Variants in ERBB4 observed in about 807,000 individuals in gnomAD.
The protein encoded by ERBB4 is receptor tyrosine-protein kinase erbB-4.
ERBB4 carries 42 observed loss-of-function variants against 158.0 expected under a neutral mutation model. The observed-to-expected ratio is 0.27, with a 90% confidence interval of 0.21 to 0.34. The LOEUF (loss-of-function observed/expected upper bound fraction) is 0.34, where lower values mean the gene tolerates loss of function less well. Among genes scored for constraint, ERBB4 ranks in the 10% least tolerant of loss-of-function variants. ERBB4 has a pLI of 1.00. For missense variants in ERBB4, 1,333 were observed against 1,624.1 expected (o/e 0.82, Z 3.08); for synonymous variants, 583 against 558.7 (o/e 1.04, Z -0.61).
At chr2:211,590,617 T>C (rs2068431587) in intron 19 of ERBB4, among the ~76,000 whole-genome samples, 1 of 151,932 alleles carries the variant, frequency 6.6e-6, no homozygotes, top group Non-Finnish European at 1.5e-5. Flanking sequence ...CCCAACTCAC[T>C]GCCCCTCCCC....
intron 2 of ERBB4, among the ~76,000 whole-genome samples, chr2:211,997,881 C>T (rs17415212): frequency 0.022 from 2,764 of 124,272 alleles, 48 homozygotes; most frequent in Admixed American, 0.053. Flanking sequence ...GCCTATCAAT[C>T]ATGAGATTAT....
Position 211,947,473 on chromosome 2 carries a change from A to G in ERBB4, c.378T>C (p.Asp126=). Reference sequence around the variant, plus strand: ...CAAGTTCTTGAAGTCCAAAGTTTCCATCTTTTCTGTAGTTTAAAAATATTG... The same window carrying G: ...CAAGTTCTTGAAGTCCAAAGTTTCCGTCTTTTCTGTAGTTTAAAAATATTG... ...ALAIFLNYRK[D]GNFGLQELGL... is the part of the protein sequence containing the mutation. The change falls in exon 3 of 28, where the codon GAT becomes GAC. Residue 126 remains aspartate, a synonymous_variant. Coordinates refer to ENST00000342788, the MANE Select transcript of ERBB4 (RefSeq NM_005235.3). The G allele has an allele frequency of 6.2e-7, 1 of 1,613,874 alleles. No individual in the cohort carries two copies. The highest frequency in any genetic ancestry group is 8.5e-7 in the Non-Finnish European group (1 of 1,179,906).
intron 3 of ERBB4, among the ~76,000 whole-genome samples, chr2:211,913,679 A>ATG (rs2079604550): frequency 7.3e-6 from 1 of 137,506 alleles, no homozygotes; most frequent in South Asian, 2.4e-4. Context: ...GTGTGTGTGT[A>ATG]TGTGTATATA....
At chr2:211,854,262 T>C (rs1015670797) in intron 3 of ERBB4, among the ~76,000 whole-genome samples, 3 of 151,988 alleles carry the variant, frequency 2.0e-5, no homozygotes, top group Admixed American at 6.6e-5. Flanking sequence ...GCAGGAAAAA[T>C]AAACTTTGTG....
At chr2:211,489,654 T>C (rs1281505538) in intron 20 of ERBB4, among the ~76,000 whole-genome samples, 1 of 151,960 alleles carries the variant, frequency 6.6e-6, no homozygotes, top group Non-Finnish European at 1.5e-5. Context: ...TCATTACTCA[T>C]AAAATTAAAG....
At chr2:211,716,117 CT>C (rs2073888312) in intron 7 of ERBB4, among the ~76,000 whole-genome samples, 1 of 152,038 alleles carries the variant, frequency 6.6e-6, no homozygotes, top group Non-Finnish European at 1.5e-5. Flanking sequence ...AATCCCAGCA[CT>C]TTGGGAGGCC....
chr2:212,472,511 T>C (rs1026162086), intron 1 of ERBB4, among the ~76,000 whole-genome samples: 1 of 151,718 alleles, frequency 6.6e-6, no homozygotes, highest in Non-Finnish European at 1.5e-5. Flanking sequence ...ATTAAGCAAT[T>C]TGAGATGTTT....
chr2:212,135,221 A>C (rs1276389364), intron 1 of ERBB4, among the ~76,000 whole-genome samples: 1 of 152,176 alleles, frequency 6.6e-6, no homozygotes, highest in Non-Finnish European at 1.5e-5. Flanking sequence ...CAAAATTCTT[A>C]AGTGCAGCTA....
chr2:211,951,133 C>G lies in ERBB4; in HGVS notation c.235-3517G>C, dbSNP rs1016927979. Reference sequence around the variant, plus strand: ...ACAACATATGATAAGATCCATCATTCCAAAACAAACTTATCATTAGCTTCC... The same window carrying G: ...ACAACATATGATAAGATCCATCATTGCAAAACAAACTTATCATTAGCTTCC... On this transcript the variant is annotated intron_variant, in intron 2 of 27. Transcript: ENST00000342788. Among the ~76,000 whole-genome samples the G allele has an allele frequency of 5.9e-5, 9 of 152,196 alleles. No homozygotes were observed. The South Asian group carries it at 6.2e-4, about 11-fold the overall frequency.
chr2:211,405,432 T>C (rs1385507534), intron 25 of ERBB4, among the ~76,000 whole-genome samples: 1 of 152,172 alleles, frequency 6.6e-6, no homozygotes, highest in Non-Finnish European at 1.5e-5. Flanking sequence ...TAAACTTTTC[T>C]ACAAATGTGT....
intron 20 of ERBB4, among the ~76,000 whole-genome samples, chr2:211,515,574 C>T (rs945865153): frequency 1.3e-5 from 2 of 151,750 alleles, no homozygotes; most frequent in African/African-American, 4.8e-5. Context: ...TTGAATATGC[C>T]TCGGGGATGT....
intron 3 of ERBB4, among the ~76,000 whole-genome samples, chr2:211,816,045 C>T (rs1224581908): frequency 1.3e-5 from 2 of 151,990 alleles, no homozygotes; most frequent in Non-Finnish European, 2.9e-5. Context: ...TCGGACTGAG[C>T]CACCCTACCA....
intron 3 of ERBB4, among the ~76,000 whole-genome samples, chr2:211,891,755 AC>A (rs2078975009): frequency 7.2e-6 from 1 of 139,686 alleles, no homozygotes; most frequent in African/African-American, 2.9e-5. Context: ...AATACAAACT[AC>A]CATCAGAGAA....
chr2:212,202,240 T>C (rs886673718), intron 1 of ERBB4, among the ~76,000 whole-genome samples: 1 of 152,216 alleles, frequency 6.6e-6, no homozygotes, highest in Non-Finnish European at 1.5e-5. Flanking sequence ...TTATCAATAG[T>C]GCATATTCAT....
chr2:211,848,117 C>T (rs754931197), intron 3 of ERBB4, among the ~76,000 whole-genome samples: 11 of 151,984 alleles, frequency 7.2e-5, no homozygotes, highest in Non-Finnish European at 1.6e-4. Flanking sequence ...CCTATCTAGG[C>T]CTGTTTGTCC....
intron 20 of ERBB4, among the ~76,000 whole-genome samples, chr2:211,433,405 C>T (rs2063785191): frequency 6.6e-6 from 1 of 151,828 alleles, no homozygotes; most frequent in Non-Finnish European, 1.5e-5. Flanking sequence ...CATGGCGAAA[C>T]CCCATCTCTA....
chr2:211,926,718 T>C (rs553538965), intron 3 of ERBB4, among the ~76,000 whole-genome samples: 1 of 152,246 alleles, frequency 6.6e-6, no homozygotes, highest in African/African-American at 2.4e-5. Flanking sequence ...TTCTCTATTT[T>C]GAAACATTTT....
At chr2:212,224,324 G>A (rs2083402558) in intron 1 of ERBB4, among the ~76,000 whole-genome samples, 1 of 151,884 alleles carries the variant, frequency 6.6e-6, no homozygotes, top group Non-Finnish European at 1.5e-5. Context: ...TTACTATCCT[G>A]TAGTTCTCAA....
intron 1 of ERBB4, among the ~76,000 whole-genome samples, chr2:212,297,101 T>C (rs948616820): frequency 1.2e-4 from 19 of 152,148 alleles, no homozygotes; most frequent in African/African-American, 4.6e-4. Context: ...ACAAATGTGG[T>C]ATTATTCACA....
Sources: gnomAD v4.1 joint callset for allele counts (sites outside exome capture counted in the v4.1 genomes callset) on GRCh38, gnomAD v4.1.1 for gene constraint, MANE v1.5 for transcripts, NCBI Gene and HGNC (gene_info 2026-07-23, HGNC 2026-07-21) for gene names.